BICC1: variants seen among roughly 807,000 people sequenced by gnomAD.
BICC1 encodes BicC family RNA binding protein 1, also known as protein bicaudal C homolog 1.
In BICC1, 43 loss-of-function variants were observed where a neutral mutation model predicts 111.0. The ratio of observed to expected loss-of-function variants is 0.39; its 90% CI spans 0.30 to 0.50. The LOEUF is 0.50. Among genes scored for constraint, BICC1 ranks in the 20% least tolerant of loss-of-function variants. The pLI, the probability that BICC1 is intolerant of heterozygous loss-of-function variation, is 0.88. For missense variants in BICC1, 1,091 were observed against 1,203.2 expected (o/e 0.91, Z 1.38); for synonymous variants, 467 against 434.4 (o/e 1.07, Z -0.93).
intron 1 of BICC1, among the ~76,000 whole-genome samples, chr10:58,555,385 G>A (rs1438099452): frequency 7.0e-6 from 1 of 143,072 alleles, no homozygotes; most frequent in African/African-American, 2.6e-5. Context: ...TGCAACTTGT[G>A]GTCCTATGTA....
intron 1 of BICC1, among the ~76,000 whole-genome samples, chr10:58,554,099 C>G (rs752963123): frequency 6.6e-6 from 1 of 152,030 alleles, no homozygotes; most frequent in African/African-American, 2.4e-5. Context: ...TTCTCAAGGT[C>G]ATTTAAAATG....
chr10:58,605,356 A>C (rs765634897), intron 1 of BICC1, among the ~76,000 whole-genome samples: 1 of 152,120 alleles, frequency 6.6e-6, no homozygotes, highest in Non-Finnish European at 1.5e-5. Context: ...TCATTTTCGA[A>C]ATCTGTTTAT....
intron 2 of BICC1, among the ~76,000 whole-genome samples, chr10:58,638,627 T>A (rs978694916): frequency 1.3e-5 from 2 of 152,120 alleles, no homozygotes; most frequent in Non-Finnish European, 2.9e-5. Flanking sequence ...TCATCAGCCT[T>A]CTCTGGGTTT....
At chr10:58,560,146 A>G (rs1030439391) in intron 1 of BICC1, among the ~76,000 whole-genome samples, 21 of 151,752 alleles carry the variant, frequency 1.4e-4, no homozygotes, top group African/African-American at 5.1e-4. Context: ...AATAAATGTG[A>G]GTTTTTTTAT....
intron 20 of BICC1, 132 bp from the exon 21 acceptor site, chr10:58,828,629 T>C: frequency 1.2e-6 from 1 of 862,038 alleles, no homozygotes; most frequent in Non-Finnish European, 1.7e-6. Flanking sequence ...CTAAAAGTTT[T>C]CCTTTTGATA....
At chr10:58,560,614 G>T (rs1438479496) in intron 1 of BICC1, among the ~76,000 whole-genome samples, 2 of 149,098 alleles carry the variant, frequency 1.3e-5, no homozygotes, top group South Asian at 4.3e-4. Flanking sequence ...TAGAAGGAAA[G>T]ATTTGCTTTT....
At position 58,725,929 on chromosome 10, in the gene BICC1, A is replaced by C. The variant is rs533365487; in HGVS notation, c.307+23786A>C. Among the ~76,000 whole-genome samples, 9 of 152,322 alleles carry C rather than the reference A, an allele frequency of 5.9e-5. No individual in the cohort carries two copies. In the South Asian group the frequency reaches 1.9e-3, roughly 32 times the overall value. ...ACAGCTTTGTGGGGAATGGTTGCACACTTTATAAAGTTTCCTTTACAATTG... is the reference window on the plus strand; with the variant it reads ...ACAGCTTTGTGGGGAATGGTTGCACCCTTTATAAAGTTTCCTTTACAATTG... On this transcript the variant is annotated intron_variant, in intron 3 of 20. Transcript: ENST00000373886.
At chr10:58,717,481 G>T (rs117716217) in intron 3 of BICC1, among the ~76,000 whole-genome samples, 1,547 of 152,028 alleles carry the variant, frequency 0.01, 10 homozygotes, top group Non-Finnish European at 0.016. Context: ...AAAGTTTATT[G>T]TCTTTGTATA....
At chr10:58,744,637 A>G (rs577209548) in intron 3 of BICC1, among the ~76,000 whole-genome samples, 30 of 152,144 alleles carry the variant, frequency 2.0e-4, no homozygotes, top group Admixed American at 3.3e-4. Context: ...AAGAGGAAGC[A>G]TAAAATCTTA....
chr10:58,724,501 A>G (rs1369081405), intron 3 of BICC1, among the ~76,000 whole-genome samples: 6 of 152,134 alleles, frequency 3.9e-5, no homozygotes, highest in African/African-American at 1.2e-4. Context: ...GCCCACTCCA[A>G]TGAACAACTG....
At chr10:58,637,933 G>A (rs966017067) in intron 2 of BICC1, among the ~76,000 whole-genome samples, 6 of 152,120 alleles carry the variant, frequency 3.9e-5, no homozygotes, top group African/African-American at 1.4e-4. Context: ...GAAGGCCTGG[G>A]AATTTGGGGG....
intron 17 of BICC1, among the ~76,000 whole-genome samples, chr10:58,810,167 C>T (rs183200175): frequency 1.3e-5 from 2 of 152,348 alleles, no homozygotes; most frequent in African/African-American, 2.4e-5. Context: ...CCAAAAGGCT[C>T]TTCTGCTCCA....
At chr10:58,548,260 C>A (rs1366765231) in intron 1 of BICC1, among the ~76,000 whole-genome samples, 1 of 152,176 alleles carries the variant, frequency 6.6e-6, no homozygotes, top group Non-Finnish European at 1.5e-5. Flanking sequence ...TGTTCAACTC[C>A]AGTATACAGT....
chr10:58,548,157 A>T (rs1368005472), intron 1 of BICC1, among the ~76,000 whole-genome samples: 3 of 152,230 alleles, frequency 2.0e-5, no homozygotes, highest in African/African-American at 4.8e-5. Flanking sequence ...CTGTTACCAC[A>T]TGGCTCATTG....
At chr10:58,809,047 G>A (rs1843810571) in intron 17 of BICC1, among the ~76,000 whole-genome samples, 1 of 151,380 alleles carries the variant, frequency 6.6e-6, no homozygotes, top group Admixed American at 6.6e-5. Flanking sequence ...ACTTTATTAA[G>A]AGTCTCACTC....
At chr10:58,797,330 A>AT (rs1372930433) in intron 10 of BICC1, among the ~76,000 whole-genome samples, 2 of 152,108 alleles carry the variant, frequency 1.3e-5, no homozygotes, top group African/African-American at 4.8e-5. Flanking sequence ...AGTCTTTAAA[A>AT]TTTTTTTTCC....
chr10:58,682,934 G>A (rs1046516009), intron 2 of BICC1, among the ~76,000 whole-genome samples: 6 of 152,198 alleles, frequency 3.9e-5, no homozygotes, highest in African/African-American at 9.6e-5. Context: ...TTGCTTTGGT[G>A]TTTTAGTCAT....
chr10:58,787,174 CA>C (rs576422494), intron 5 of BICC1, 93 bp downstream of exon 5: 8,091 of 983,436 alleles, frequency 8.2e-3, no homozygotes, highest in South Asian at 0.014. Flanking sequence ...AGAGGTGAGA[CA>C]AAAAAAAAAT....
Position 58,687,728 on chromosome 10 carries a change from A to T in BICC1, c.238-14346A>T, listed in dbSNP as rs551907825. Among the ~76,000 whole-genome samples, 14 of 152,236 alleles carry T rather than the reference A, an allele frequency of 9.2e-5. No individual in the cohort carries two copies. In the South Asian group the frequency reaches 2.7e-3, roughly 29 times the overall value. On this transcript the variant is annotated intron_variant, in intron 2 of 20. Transcript: ENST00000373886. Reference sequence around the variant, plus strand: ...GCTAAGACCATTGGAAAAGCGCAGTATTAGGGTGGGAGTGTCCTGATTTTC... The same window carrying T: ...GCTAAGACCATTGGAAAAGCGCAGTTTTAGGGTGGGAGTGTCCTGATTTTC...
Sources: gnomAD v4.1 joint callset for allele counts (sites outside exome capture counted in the v4.1 genomes callset) on GRCh38, gnomAD v4.1.1 for gene constraint, MANE v1.5 for transcripts, NCBI Gene and HGNC (gene_info 2026-07-23, HGNC 2026-07-21) for gene names.